The following ATAD2B variants were observed in gnomAD, a reference collection of about 807,000 sequenced individuals.
The protein encoded by ATAD2B is ATPase family AAA domain containing 2B, also known as ATPase family AAA domain-containing protein 2B.
In ATAD2B, 40 loss-of-function variants were observed where a neutral mutation model predicts 167.6. The ratio of observed to expected loss-of-function variants is 0.24; its 90% confidence interval spans 0.19 to 0.31. ATAD2B has a LOEUF of 0.31. Among genes scored for constraint, ATAD2B ranks in the 10% least tolerant of loss-of-function variants. The probability of loss-of-function intolerance (pLI) is 1.00; values close to 1 mark genes in which losing one functional copy is unlikely to be tolerated. For synonymous variants in ATAD2B, 579 were observed against 596.5 expected (o/e 0.97, Z 0.43); for missense variants, 1,242 against 1,757.2 (o/e 0.71, Z 5.24).
At position 23,885,222 on chromosome 2, in the gene ATAD2B, G is replaced by A. The variant is rs550534857; in HGVS notation, c.676-349C>T. Among the ~76,000 whole-genome samples the A allele has an allele frequency of 8.5e-5, 13 of 152,276 alleles. No individual in the cohort carries two copies. The South Asian group carries it at 2.5e-3, about 29-fold the overall frequency. On this transcript the variant is annotated intron_variant, in intron 5 of 27. Transcript: ENST00000238789. ...GGTACAAAGTACTCCAGAATTCAAA[G>A]AGAAGACCCTCCTTTTGTTATGGGG...
intron 12 of ATAD2B, among the ~76,000 whole-genome samples, chr2:23,862,716 C>T (rs900786896): frequency 2.6e-5 from 4 of 152,106 alleles, no homozygotes; most frequent in Non-Finnish European, 4.4e-5. Flanking sequence ...CTTCTAGTAC[C>T]GTATTTACAG....
Position 23,823,582 on chromosome 2 carries a change from A to C in ATAD2B, c.1820-13T>G, listed in dbSNP as rs1461457404. On this transcript the variant is annotated splice_polypyrimidine_tract_variant and intron_variant, in intron 15 of 27. Coordinates refer to ENST00000238789, the MANE Select transcript of ATAD2B (RefSeq NM_017552.4). The stretch of plus-strand genomic sequence containing the variant: ...GCTCCACAGTAGCCTAATACACAAA[A>C]GGAGAAGGATAGCAAAGGTACATTC... 7 of 1,605,828 alleles carry C rather than the reference A, an allele frequency of 4.4e-6. No homozygotes were observed. Among genetic ancestry groups the C allele is most frequent in the Non-Finnish European group, 4.3e-6 (5 of 1,175,352 alleles).
At chr2:23,740,650 G>A in the ATAD2B span, among the ~76,000 whole-genome samples, 32 of 152,274 alleles carry the variant, frequency 2.1e-4, no homozygotes, top group African/African-American at 7.7e-4. Context: ...ACAAGACAGG[G>A]ATGCCCTCTC....
At chr2:23,802,202 T>G (rs913234551) in intron 18 of ATAD2B, among the ~76,000 whole-genome samples, 8 of 151,410 alleles carry the variant, frequency 5.3e-5, no homozygotes, top group African/African-American at 1.9e-4. Flanking sequence ...AGCTAAAACA[T>G]CCTCAATATT....
At chr2:23,718,670 C>T in the ATAD2B span, among the ~76,000 whole-genome samples, 3 of 152,164 alleles carry the variant, frequency 2.0e-5, no homozygotes, top group Non-Finnish European at 2.9e-5. Flanking sequence ...TTTAAGACAA[C>T]AAATTTATTA....
chr2:23,702,323 C>T, the ATAD2B span, among the ~76,000 whole-genome samples: 338 of 152,286 alleles, frequency 2.2e-3, 2 homozygotes, highest in African/African-American at 7.9e-3. Context: ...CTTACATTAG[C>T]CTACAGCTGG....
chr2:23,788,191 T>C (rs1681109315), intron 20 of ATAD2B: 2 of 244,634 alleles, frequency 8.2e-6, no homozygotes, highest in South Asian at 1.1e-4. Flanking sequence ...GTTCAACTCC[T>C]GGGTACTTAC....
At chr2:23,688,398 A>G in the ATAD2B span, among the ~76,000 whole-genome samples, 2 of 152,162 alleles carry the variant, frequency 1.3e-5, no homozygotes, top group Admixed American at 6.5e-5. Context: ...CCCAGTTCCA[A>G]CTTGCAAAAT....
At chr2:23,910,156 G>A (rs1396762113) in intron 1 of ATAD2B, among the ~76,000 whole-genome samples, 1 of 146,758 alleles carries the variant, frequency 6.8e-6, no homozygotes, top group African/African-American at 2.5e-5. Flanking sequence ...GAGCCACTGT[G>A]TCCACTCTTG....
chr2:23,926,478 C>A, intron 1 of ATAD2B, 77 bp downstream of exon 1: 1 of 1,497,942 alleles, frequency 6.7e-7, no homozygotes, highest in East Asian at 2.5e-5. Flanking sequence ...GCTTCCTACC[C>A]CCAACCCGGC....
chr2:23,762,088 T>G lies in ATAD2B; in HGVS notation c.3394+121A>C, dbSNP rs1676816522. The G allele has an allele frequency of 3.9e-6, 4 of 1,021,876 alleles. No individual in the cohort carries two copies. The Admixed American group carries it at 1.3e-4, about 33-fold the overall frequency. 63.3% of individuals were successfully genotyped at this position (1,021,876 alleles called of 1,614,324 possible). A position where few individuals can be genotyped will look rare whatever the true frequency, so the allele number is the denominator to read the frequency against. On this transcript the variant is annotated intron_variant, in intron 24 of 27. Coordinates refer to ENST00000238789, the MANE Select transcript of ATAD2B (RefSeq NM_017552.4). Reference sequence around the variant, plus strand: ...TACCTCACAAGCTCTTCTTCACCTCTGAAAAGAGATTAAAAGAGCTATGGG... The same window carrying G: ...TACCTCACAAGCTCTTCTTCACCTCGGAAAAGAGATTAAAAGAGCTATGGG...
Position 23,819,888 on chromosome 2 carries a change from TA to T in ATAD2B, c.2132-7del, listed in dbSNP as rs750377732. 5.7e-6 allele frequency: 9 copies of T among 1,567,104 alleles called. No individual in the cohort carries two copies. Among genetic ancestry groups the T allele is most frequent in the Admixed American group, 1.7e-5 (1 of 57,530 alleles). On this transcript the variant is annotated splice_polypyrimidine_tract_variant and splice_region_variant and intron_variant, in intron 16 of 27. Coordinates refer to ENST00000238789, the MANE Select transcript of ATAD2B (RefSeq NM_017552.4). ...TAAAATTAAAGTTTCTATATCTGTT[TA>T]AAAAAATCACAATGGTTATGGGGCT...
At chr2:23,919,503 T>C (rs570399287) in intron 1 of ATAD2B, among the ~76,000 whole-genome samples, 160 of 152,086 alleles carry the variant, frequency 1.1e-3, no homozygotes, top group African/African-American at 3.6e-3. Flanking sequence ...GCCAAGATCA[T>C]GCCACTGCAC....
intron 1 of ATAD2B, among the ~76,000 whole-genome samples, chr2:23,917,829 C>CG (rs1178364682): frequency 2.6e-5 from 4 of 152,010 alleles, no homozygotes; most frequent in East Asian, 3.9e-4. Flanking sequence ...GAGGCCAAGC[C>CG]GGGGGGATCA....
chr2:23,791,468 CT>C (rs34442242), intron 19 of ATAD2B, among the ~76,000 whole-genome samples: 7,817 of 139,216 alleles, frequency 0.056, 225 homozygotes, highest in Non-Finnish European at 0.082. Flanking sequence ...TGCAAAAGCA[CT>C]TTTTTTTTTT....
At chr2:23,898,668 G>A (rs1700421046) in intron 1 of ATAD2B, among the ~76,000 whole-genome samples, 1 of 152,070 alleles carries the variant, frequency 6.6e-6, no homozygotes, top group Non-Finnish European at 1.5e-5. Flanking sequence ...GACTCTTTTT[G>A]TCAAGAAGTA....
intron 9 of ATAD2B, among the ~76,000 whole-genome samples, chr2:23,869,365 T>C (rs1695587972): frequency 6.6e-6 from 1 of 152,214 alleles, no homozygotes; most frequent in Non-Finnish European, 1.5e-5. Context: ...TAAATGGATT[T>C]AGATTAGAAA....
At chr2:23,855,328 C>T (rs1693222194) in intron 13 of ATAD2B, among the ~76,000 whole-genome samples, 1 of 151,936 alleles carries the variant, frequency 6.6e-6, no homozygotes, top group Admixed American at 6.6e-5. Context: ...CACAAAGATG[C>T]TCAATATTAT....
intron 19 of ATAD2B, among the ~76,000 whole-genome samples, chr2:23,797,073 A>G (rs1418753355): frequency 6.6e-6 from 1 of 152,156 alleles, no homozygotes; most frequent in Non-Finnish European, 1.5e-5. Context: ...GCAGTAAAGT[A>G]TACAAATCTA....
Sources: allele counts gnomAD v4.1 joint callset (sites outside exome capture counted in the v4.1 genomes callset), GRCh38; gene constraint gnomAD v4.1.1; transcripts MANE v1.5; gene names NCBI Gene and HGNC (gene_info 2026-07-23, HGNC 2026-07-21).